The following MAPKAP1 variants were observed in gnomAD, a reference collection of about 807,000 sequenced individuals.
The protein encoded by MAPKAP1 is target of rapamycin complex 2 subunit MAPKAP1.
MAPKAP1 carries 20 observed loss-of-function variants against 65.7 expected under a neutral mutation model. The ratio of observed to expected loss-of-function variants is 0.30; its 90% confidence interval spans 0.21 to 0.44. MAPKAP1 has a LOEUF of 0.44. MAPKAP1 is among the 20% of genes least tolerant of loss of function. MAPKAP1 has a pLI of 1.00. For missense variants in MAPKAP1, 423 were observed against 648.0 expected (o/e 0.65, Z 3.77); for synonymous variants, 222 against 244.3 (o/e 0.91, Z 0.85).
chr9:125,629,738 A>T (rs746650574), intron 4 of MAPKAP1, among the ~76,000 whole-genome samples: 6 of 152,220 alleles, frequency 3.9e-5, no homozygotes, highest in Non-Finnish European at 5.9e-5. Flanking sequence ...ATTGGTTAAG[A>T]TGGTAAATTT....
chr9:125,625,236 TAAA>T lies in MAPKAP1; in HGVS notation c.498+32412_498+32414del, dbSNP rs148061530. 3.9e-3 allele frequency among the ~76,000 whole-genome samples: 215 copies of T among 54,434 alleles called. 1 individual carries two copies. In the Middle Eastern group the frequency reaches 0.064, roughly 16 times the overall value. 35.7% of individuals were successfully genotyped at this position (54,434 alleles called of 152,430 possible). A position where few individuals can be genotyped will look rare whatever the true frequency, so the allele number is the denominator to read the frequency against. ...GTGAGAAACACCCAAGAATTATCAATAAAAAAAAAATAAATAAATAAAAAAAAA... is the reference window on the plus strand; with the variant it reads ...GTGAGAAACACCCAAGAATTATCAATAAAAAAATAAATAAATAAAAAAAAA... On this transcript the variant is annotated intron_variant, in intron 4 of 11. Transcript: ENST00000265960.
At position 125,599,601 on chromosome 9, in the gene MAPKAP1, TC is replaced by T. The variant is rs1433916503; in HGVS notation, c.499-13875del. 6.1e-5 allele frequency among the ~76,000 whole-genome samples: 8 copies of T among 130,136 alleles called. No individual in the cohort carries two copies. In the South Asian group the frequency reaches 2.2e-3, roughly 36 times the overall value. 85.4% of individuals were successfully genotyped at this position (130,136 alleles called of 152,430 possible). On this transcript the variant is annotated intron_variant, in intron 4 of 11. Transcript: ENST00000265960. ...CTGTAACATCTATGATAAATGTAAG[TC>T]CCTTTTTTTTTTTTTTTTTGAGATG... is the stretch of plus-strand genomic sequence containing the variant.
chr9:125,539,550 CTGA>C (rs1830178759), intron 7 of MAPKAP1, among the ~76,000 whole-genome samples: 1 of 152,190 alleles, frequency 6.6e-6, no homozygotes, highest in African/African-American at 2.4e-5. Context: ...CTAGGAAGGG[CTGA>C]TGGTTAACCG....
At chr9:125,655,623 C>A (rs1227381053) in intron 4 of MAPKAP1, among the ~76,000 whole-genome samples, 1 of 152,124 alleles carries the variant, frequency 6.6e-6, no homozygotes, top group Non-Finnish European at 1.5e-5. Context: ...AGTACAATAT[C>A]CTTCAAATAT....
chr9:125,467,976 G>C lies in MAPKAP1; in HGVS notation c.1341C>G (p.Ser447Arg). The C allele has an allele frequency of 6.2e-7, 1 of 1,614,072 alleles. No individual in the cohort carries two copies. The highest frequency in any genetic ancestry group is 8.5e-7 in the Non-Finnish European group (1 of 1,179,980). ...TAAATAAAAGGGACTACTCACTGGG[G>C]CTTTTCTCTTCAGCAAGGTCACAGG... is the stretch of plus-strand genomic sequence containing the variant. ...LCACDLAEEK[S>R]PSHAIFKLTY... Residue 447 changes from serine (S) to arginine (R), a missense_variant, in exon 10 of 12, where the codon AGC becomes AGG. Transcript: ENST00000265960.
chr9:125,456,122 T>C (rs952413684), intron 10 of MAPKAP1, among the ~76,000 whole-genome samples: 2 of 146,660 alleles, frequency 1.4e-5, no homozygotes, highest in Non-Finnish European at 3.0e-5. Context: ...ACTATTCTTA[T>C]CTTGGTTTCT....
chr9:125,459,559 T>C (rs866470357), intron 10 of MAPKAP1, among the ~76,000 whole-genome samples: 2,094 of 152,090 alleles, frequency 0.014, 41 homozygotes, highest in African/African-American at 0.046. Context: ...CCGTCTGCAA[T>C]CCCGGCACCT....
intron 4 of MAPKAP1, among the ~76,000 whole-genome samples, chr9:125,638,983 T>C (rs988905423): frequency 6.6e-6 from 1 of 152,058 alleles, no homozygotes; most frequent in African/African-American, 2.4e-5. Context: ...TTAAGAACTC[T>C]ATCTGAACAC....
At chr9:125,596,483 T>C in intron 4 of MAPKAP1, 2 of 748,164 alleles carry the variant, frequency 2.7e-6, no homozygotes, top group Non-Finnish European at 4.9e-6. Flanking sequence ...TCTTCAAATT[T>C]TGAACCCATG....
intron 4 of MAPKAP1, 28 bp downstream of exon 4, chr9:125,657,623 A>G (rs772076513): frequency 6.4e-7 from 1 of 1,574,794 alleles, no homozygotes; most frequent in Admixed American, 1.9e-5. Flanking sequence ...AGTTTTACTT[A>G]AAGGGACAAA....
rs564978635 is a variant in MAPKAP1 at position 125,467,623 on chromosome 9, C to A, written c.1345+349G>T. On this transcript the variant is annotated intron_variant, in intron 10 of 11. Transcript: ENST00000265960. ...GGTCCAGGTCTGACTGGTCAAGTCC[C>A]CCAAATGGGAAGGGGAAGGGAGCCC... Among the ~76,000 whole-genome samples the A allele has an allele frequency of 5.5e-4, 84 of 152,272 alleles. 2 individuals are homozygous for A. In the South Asian group the frequency reaches 8.5e-3, roughly 15 times the overall value.
intron 5 of MAPKAP1, among the ~76,000 whole-genome samples, chr9:125,583,936 G>A (rs1024671481): frequency 3.3e-5 from 5 of 152,160 alleles, no homozygotes; most frequent in African/African-American, 7.2e-5. Flanking sequence ...GGTGGTAGGT[G>A]CCTGTAGTCC....
rs568286816 is a variant in MAPKAP1, at chr9:125,673,777, A to T, written c.-69-1134T>A. ...CTCTACAAAAATATATATATATAAT[A>T]ATTATTATTTTTTAATTAGCTGAGC... On this transcript the variant is annotated intron_variant, in intron 1 of 11. Coordinates refer to ENST00000265960, the MANE Select transcript of MAPKAP1 (RefSeq NM_001006617.3). 7.9e-5 allele frequency among the ~76,000 whole-genome samples: 12 copies of T among 151,574 alleles called. No homozygotes were observed. The East Asian group carries it at 1.2e-3, about 15-fold the overall frequency.
At chr9:125,524,404 A>C (rs1422196797) in intron 7 of MAPKAP1, among the ~76,000 whole-genome samples, 3 of 152,274 alleles carry the variant, frequency 2.0e-5, no homozygotes, top group Non-Finnish European at 4.4e-5. Flanking sequence ...TAAGTGCTCA[A>C]TAAATAGCAA....
At chr9:125,572,966 T>G (rs1831281080) in intron 5 of MAPKAP1, 2 of 152,174 alleles carry the variant, frequency 1.3e-5, no homozygotes, top group African/African-American at 4.8e-5. Flanking sequence ...ACTGAGCTCC[T>G]GTCTACTCTG....
chr9:125,616,622 G>A (rs1832753757), intron 4 of MAPKAP1, among the ~76,000 whole-genome samples: 1 of 151,998 alleles, frequency 6.6e-6, no homozygotes, highest in South Asian at 2.1e-4. Context: ...TATATTCTGA[G>A]AAATGCAAAT....
chr9:125,456,909 G>A (rs1459235021), intron 10 of MAPKAP1, among the ~76,000 whole-genome samples: 1 of 152,050 alleles, frequency 6.6e-6, no homozygotes, highest in Non-Finnish European at 1.5e-5. Context: ...ACTATGTTTT[G>A]GGGCAATTTG....
At chr9:125,465,294 G>C (rs1327758098) in intron 10 of MAPKAP1, among the ~76,000 whole-genome samples, 1 of 152,146 alleles carries the variant, frequency 6.6e-6, no homozygotes, top group Non-Finnish European at 1.5e-5. Flanking sequence ...AAAATCACAG[G>C]CTAAACTTAT....
chr9:125,669,975 C>T, intron 2 of MAPKAP1, 68 bp from the exon 3 acceptor site: 1 of 852,150 alleles, frequency 1.2e-6, no homozygotes, highest in South Asian at 1.7e-5. Context: ...ACATAATTAA[C>T]TACCTTTACA....
Sources: gnomAD v4.1 joint callset for allele counts (sites outside exome capture counted in the v4.1 genomes callset) on GRCh38, gnomAD v4.1.1 for gene constraint, MANE v1.5 for transcripts, NCBI Gene and HGNC (gene_info 2026-07-23, HGNC 2026-07-21) for gene names.